DAPK2: variants seen among roughly 807,000 people sequenced by gnomAD.
DAPK2 encodes the protein death-associated protein kinase 2.
In DAPK2, 35 loss-of-function variants were observed where a neutral mutation model predicts 44.1. The ratio of observed to expected loss-of-function variants is 0.79; its 90% CI spans 0.61 to 1.05. DAPK2 has a LOEUF of 1.05. Among genes scored for constraint, DAPK2 ranks in the 50% least tolerant of loss-of-function variants. The pLI, the probability that DAPK2 is intolerant of heterozygous loss-of-function variation, is 0.00. For missense variants in DAPK2, 453 were observed against 483.2 expected (o/e 0.94, Z 0.59); for synonymous variants, 174 against 182.6 (o/e 0.95, Z 0.38).
chr15:63,939,379 G>C lies in DAPK2; in HGVS notation c.454-18C>G. 4.7e-5 allele frequency: 47 copies of C among 990,740 alleles called. No individual in the cohort carries two copies. The highest frequency in any genetic ancestry group is 7.0e-5 in the East Asian group (2 of 28,694). The allele number at this position is 990,740 out of a possible 1,614,324, so 61.4% of individuals were successfully genotyped here. A position where few individuals can be genotyped will look rare whatever the true frequency, so the allele number is the denominator to read the frequency against. On this transcript the variant is annotated intron_variant, in intron 3 of 10. Coordinates refer to ENST00000261891, the Ensembl canonical transcript of DAPK2. The surrounding 1 kb of genome is among the most constrained non-coding windows in gnomAD (Gnocchi z 4.3). ...TTTTCTGGCTGGACAACAAAAAGTA[G>C]AAAAAAAAAAAAGGAAGGAAGAAAA...
At chr15:63,991,479 C>T (rs905755293) in intron 1 of DAPK2, 5 of 366,694 alleles carry the variant, frequency 1.4e-5, no homozygotes, top group South Asian at 8.1e-5. Flanking sequence ...AGTTCCTTGA[C>T]GATGGCTTTG....
At position 64,039,639 on chromosome 15, in the gene DAPK2, C is replaced by T. The variant is rs1321956610; in HGVS notation, c.92+531G>A. ...ATAGTACTTTCAGATCTGATTTTCA[C>T]CCTGGCTGTGCTCTGGGCTCAGCAA... On this transcript the variant is annotated intron_variant, in intron 1 of 10. Coordinates refer to ENST00000261891, the Ensembl canonical transcript of DAPK2. Among the ~76,000 whole-genome samples the T allele has an allele frequency of 2.0e-5, 3 of 152,170 alleles. No individual in the cohort carries two copies. The East Asian group carries it at 5.8e-4, about 29-fold the overall frequency.
At chr15:64,006,404 A>G (rs1422670654) in intron 1 of DAPK2, among the ~76,000 whole-genome samples, 1 of 152,120 alleles carries the variant, frequency 6.6e-6, no homozygotes, top group Non-Finnish European at 1.5e-5. Flanking sequence ...TTCTCCTTAT[A>G]TCATGTCCTG....
chr15:63,910,001 C>T (rs1041729011), intron 10 of DAPK2, among the ~76,000 whole-genome samples: 1 of 152,216 alleles, frequency 6.6e-6, no homozygotes. Context: ...TAGCCAAATA[C>T]ATCCTAGACC....
intron 8 of DAPK2, among the ~76,000 whole-genome samples, chr15:63,915,132 G>A (rs1376477259): frequency 6.6e-6 from 1 of 152,200 alleles, no homozygotes; most frequent in Non-Finnish European, 1.5e-5. Context: ...TAAATGCTAT[G>A]TAAATAGTTG....
chr15:64,035,294 G>A (rs1319362390), intron 1 of DAPK2, among the ~76,000 whole-genome samples: 8 of 152,190 alleles, frequency 5.3e-5, no homozygotes, highest in South Asian at 2.1e-4. Flanking sequence ...TTGTCTATGT[G>A]GAAGTTCACA....
In DAPK2 at chr15:63,923,078, C is replaced by A. The variant is rs1420419670; in HGVS notation, c.858+1738G>T. 1.3e-6 allele frequency: 2 copies of A among 1,535,760 alleles called. No individual in the cohort carries two copies. The highest frequency in any genetic ancestry group is 1.4e-5 in the African/African-American group (1 of 73,036). The stretch of plus-strand genomic sequence containing the variant: ...ATGCCGGGCGCTCTCATTCTCCTCT[C>A]GGTACCAAGCTTCCTTCTCATTGAA... On this transcript the variant is annotated intron_variant, in intron 8 of 10. Coordinates refer to ENST00000261891, the Ensembl canonical transcript of DAPK2. This position sits in a 1 kb window ranked among gnomAD's most constrained non-coding sequence, Gnocchi z 4.2.
Position 63,908,220 on chromosome 15 carries a change from T to G in DAPK2, c.*300A>C. On this transcript the variant is annotated 3_prime_UTR_variant, in exon 11 of 11. Coordinates refer to ENST00000261891, the Ensembl canonical transcript of DAPK2. This position sits in a 1 kb window ranked among gnomAD's most constrained non-coding sequence, Gnocchi z 5.7. ...CACCCCGTGATGATGAGGATGTCCT[T>G]TATATTGTTTTCCTAAGTCCACACT... The G allele has an allele frequency of 4.1e-6, 1 of 243,540 alleles. No homozygotes were observed. Among genetic ancestry groups the G allele is most frequent in the Non-Finnish European group, 7.8e-6 (1 of 127,772 alleles). 15.1% of individuals were successfully genotyped at this position (243,540 alleles called of 1,614,324 possible).
chr15:63,993,968 C>T (rs1192263780), intron 1 of DAPK2, among the ~76,000 whole-genome samples: 5 of 152,142 alleles, frequency 3.3e-5, no homozygotes, highest in Admixed American at 3.3e-4. Flanking sequence ...AGGCTACTGA[C>T]ATTGATCTGT....
chr15:63,933,487 C>T (rs1252761821), intron 4 of DAPK2, among the ~76,000 whole-genome samples: 5 of 152,292 alleles, frequency 3.3e-5, no homozygotes, highest in East Asian at 1.9e-4. Flanking sequence ...AGGTGATCCA[C>T]GCCTCTCAGC....
In DAPK2 at chr15:63,959,532, A is replaced by G. The variant is rs552982657; in HGVS notation, c.453+11891T>C. ...TTATTATTTTGAGACACGTCCCATCAATACCTAGTTTATTGAGAGTTTTTA... is the reference window on the plus strand; with the variant it reads ...TTATTATTTTGAGACACGTCCCATCGATACCTAGTTTATTGAGAGTTTTTA... On this transcript the variant is annotated intron_variant, in intron 3 of 10. Transcript: ENST00000261891. Among the ~76,000 whole-genome samples, 8 of 152,322 alleles carry G rather than the reference A, an allele frequency of 5.3e-5. No homozygotes were observed. The East Asian group carries it at 1.5e-3, about 29-fold the overall frequency.
chr15:64,007,540 C>A (rs1273482308), intron 1 of DAPK2, among the ~76,000 whole-genome samples: 7 of 152,316 alleles, frequency 4.6e-5, no homozygotes, highest in African/African-American at 1.7e-4. Context: ...AGGCACAGGT[C>A]CCCTCCTGGA....
chr15:63,965,921 C>T (rs1029777601), intron 3 of DAPK2, among the ~76,000 whole-genome samples: 8 of 152,210 alleles, frequency 5.3e-5, no homozygotes, highest in East Asian at 1.9e-4. Flanking sequence ...ATTGGAAACC[C>T]GAAGAGCCCA....
intron 3 of DAPK2, among the ~76,000 whole-genome samples, chr15:63,952,415 A>C (rs978196956): frequency 3.3e-5 from 5 of 152,236 alleles, no homozygotes; most frequent in African/African-American, 1.2e-4. Context: ...GAAGAGCAGC[A>C]GCATCTGGGA....
At position 63,929,533 on chromosome 15, in the gene DAPK2, T is replaced by C. The variant is rs1567210715; in HGVS notation, c.659+18A>G. 6.2e-7 allele frequency: 1 copy of C among 1,613,732 alleles called. No individual in the cohort carries two copies. The highest frequency in any genetic ancestry group is 8.5e-7 in the Non-Finnish European group (1 of 1,179,964). Reference sequence around the variant, plus strand: ...CAGATCTAAGCTGAGCCAGAGCCCCTGGATCAGGGATACTCACAGGATGTA... The same window carrying C: ...CAGATCTAAGCTGAGCCAGAGCCCCCGGATCAGGGATACTCACAGGATGTA... On this transcript the variant is annotated intron_variant, in intron 6 of 10. Transcript: ENST00000261891.
At chr15:63,928,966 G>T (rs918568443) in intron 6 of DAPK2, among the ~76,000 whole-genome samples, 1 of 152,212 alleles carries the variant, frequency 6.6e-6, no homozygotes, top group Admixed American at 6.5e-5. Flanking sequence ...ACTTTGGGAG[G>T]CTGAGGTGGA....
At chr15:64,022,919 T>C (rs1312381169) in intron 1 of DAPK2, among the ~76,000 whole-genome samples, 1 of 152,174 alleles carries the variant, frequency 6.6e-6, no homozygotes, top group Admixed American at 6.5e-5. Flanking sequence ...CCAGTCTAAA[T>C]TCTAAGATAG....
chr15:64,032,513 C>T (rs1414656083), intron 1 of DAPK2, among the ~76,000 whole-genome samples: 1 of 152,180 alleles, frequency 6.6e-6, no homozygotes, highest in Non-Finnish European at 1.5e-5. Context: ...ATTAGTGCTG[C>T]TCGCCCCAGC....
intron 4 of DAPK2, among the ~76,000 whole-genome samples, chr15:63,931,150 T>G (rs912430459): frequency 6.6e-6 from 1 of 152,178 alleles, no homozygotes; most frequent in African/African-American, 2.4e-5. Flanking sequence ...GAAGGCACCA[T>G]CTATGAAACA....
Sources: gnomAD v4.1 joint callset for allele counts (sites outside exome capture counted in the v4.1 genomes callset) on GRCh38, gnomAD v4.1.1 for gene constraint, Gnocchi (gnomAD v3.1) non-coding constraint, MANE v1.5 for transcripts, NCBI Gene and HGNC (gene_info 2026-07-23, HGNC 2026-07-21) for gene names.